Variants in SLC41A3 observed in about 807,000 individuals in gnomAD.
SLC41A3 encodes the protein solute carrier family 41 member 3.
SLC41A3 carries 44 observed loss-of-function variants against 45.4 expected under a neutral mutation model. The observed-to-expected ratio is 0.97, with a 90% CI of 0.76 to 1.25. The LOEUF (loss-of-function observed/expected upper bound fraction) is 1.25, where lower values mean the gene tolerates loss of function less well. SLC41A3 is among the 50% of genes most tolerant of loss of function. SLC41A3 has a pLI of 0.00. For synonymous variants in SLC41A3, 256 were observed against 252.4 expected, an observed-to-expected ratio of 1.01 and a Z score of -0.13; for missense variants, 550 against 600.6, an observed-to-expected ratio of 0.92 and a Z score of 0.88.
chr3:126,038,348 A>T (rs1186180114), intron 3 of SLC41A3, among the ~76,000 whole-genome samples: 1 of 152,220 alleles, frequency 6.6e-6, no homozygotes, highest in Non-Finnish European at 1.5e-5. Context: ...TGCCTGGAAA[A>T]GCTGCAGGCA....
rs60562239 is a variant in SLC41A3 at position 126,059,233 on chromosome 3, G to A, written c.274-8183C>T. Among the ~76,000 whole-genome samples the A allele has an allele frequency of 7.4e-3, 44 of 5,942 alleles. 1 individual carries two copies. Among genetic ancestry groups the A allele is most frequent in the Non-Finnish European group, 0.014 (33 of 2,372 alleles). 3.9% of individuals were successfully genotyped at this position (5,942 alleles called of 152,430 possible). ...GGTTATCAGTCAAAAAAGAAAGAAA[G>A]AGAAAGAAAGAAAGAAAGAAAGAAA... On this transcript the variant is annotated intron_variant, in intron 2 of 10. Transcript: ENST00000360370.
At position 126,006,619 on chromosome 3, in the gene SLC41A3, A is replaced by G; in HGVS notation, c.*397T>C. On this transcript the variant is annotated 3_prime_UTR_variant, in exon 11 of 11. Coordinates refer to ENST00000360370, the MANE Select transcript of SLC41A3 (RefSeq NM_017836.4). ...CAAGAGTTCTGAGGCTTGGGAACAG[A>G]AAAGAGCTCCTTCCTGCTCCACCCC... The G allele has an allele frequency of 6.4e-7, 1 of 1,558,190 alleles. No homozygotes were observed. The highest frequency in any genetic ancestry group is 8.6e-7 in the Non-Finnish European group (1 of 1,159,486).
In SLC41A3 at chr3:126,094,641, T is replaced by A. The variant is rs556163041; in HGVS notation, c.-79+6788A>T. ...AAAGACTGTTTCTTTACTATCCCTTTAGCTGAGCAAGACTGTGAACAGTTT... is the reference window on the plus strand; with the variant it reads ...AAAGACTGTTTCTTTACTATCCCTTAAGCTGAGCAAGACTGTGAACAGTTT... On this transcript the variant is annotated intron_variant, in intron 1 of 9. Coordinates refer to the SLC41A3 transcript ENST00000508835. 2.6e-5 allele frequency among the ~76,000 whole-genome samples: 4 copies of A among 152,346 alleles called. No individual in the cohort carries two copies. The East Asian group carries it at 7.7e-4, about 29-fold the overall frequency.
chr3:126,059,309 AGGAAG>A (rs1459105638), intron 2 of SLC41A3, among the ~76,000 whole-genome samples: 1 of 106,400 alleles, frequency 9.4e-6, no homozygotes, highest in Non-Finnish European at 2.1e-5. Flanking sequence ...AAAGAAAGAA[AGGAAG>A]GATGATCTGT....
At chr3:126,070,377 G>A (rs1944560918) in intron 1 of SLC41A3, 1 of 152,250 alleles carries the variant, frequency 6.6e-6, no homozygotes, top group African/African-American at 2.4e-5. Flanking sequence ...GCACGCAGGG[G>A]ATCTAGGTTG....
intron 2 of SLC41A3, chr3:126,056,745 G>C: frequency 7.1e-7 from 1 of 1,418,046 alleles, no homozygotes; most frequent in Non-Finnish European, 9.2e-7. Context: ...ACAGATGAGT[G>C]AGGAACAAAG....
chr3:126,074,409 A>G (rs768625512), intron 1 of SLC41A3, among the ~76,000 whole-genome samples: 11 of 151,988 alleles, frequency 7.2e-5, no homozygotes, highest in Non-Finnish European at 1.6e-4. Flanking sequence ...TGCCAATTCT[A>G]TTAAACACTG....
chr3:126,007,484 A>T (rs1378996580), intron 10 of SLC41A3, among the ~76,000 whole-genome samples: 1 of 152,150 alleles, frequency 6.6e-6, no homozygotes, highest in African/African-American at 2.4e-5. Context: ...AATCAGACCC[A>T]CTGCCACTCA....
upstream of SLC41A3, among the ~76,000 whole-genome samples, chr3:126,086,418 T>TG (rs1559897565): frequency 2.4e-4 from 12 of 49,292 alleles, no homozygotes; most frequent in African/African-American, 6.0e-4. Flanking sequence ...GTTTTTTTTT[T>TG]TTTTTTTTTT....
intron 3 of SLC41A3, among the ~76,000 whole-genome samples, chr3:126,048,897 T>C (rs1021006262): frequency 2.0e-5 from 3 of 151,404 alleles, no homozygotes; most frequent in Admixed American, 2.0e-4. Context: ...TTTATTGTTA[T>C]CAATTTATAC....
intron 3 of SLC41A3, among the ~76,000 whole-genome samples, chr3:126,047,990 A>G (rs1392522651): frequency 1.3e-5 from 2 of 152,196 alleles, no homozygotes; most frequent in African/African-American, 4.8e-5. Flanking sequence ...CTGATAAGAG[A>G]TTAATATTCA....
chr3:126,018,953 T>G (rs1383413294), intron 6 of SLC41A3, among the ~76,000 whole-genome samples: 1 of 152,254 alleles, frequency 6.6e-6, no homozygotes, highest in African/African-American at 2.4e-5. Context: ...AGCAGGGTCC[T>G]TCCTGTGGGA....
intron 2 of SLC41A3, among the ~76,000 whole-genome samples, chr3:126,061,790 CA>C (rs1322272426): frequency 1.3e-5 from 2 of 152,136 alleles, no homozygotes; most frequent in Non-Finnish European, 2.9e-5. Context: ...TGCTTGCTAA[CA>C]AGCCCACACA....
intron 3 of SLC41A3, among the ~76,000 whole-genome samples, chr3:126,040,637 G>C (rs11919781): frequency 1.3e-5 from 2 of 151,774 alleles, no homozygotes; most frequent in Non-Finnish European, 2.9e-5. Context: ...CAGATGCAGC[G>C]AGAGTGTTGG....
chr3:126,090,691 G>T (rs1439426135), intron 1 of SLC41A3, among the ~76,000 whole-genome samples: 1 of 152,116 alleles, frequency 6.6e-6, no homozygotes, highest in East Asian at 1.9e-4. Context: ...GGCCAGAGAT[G>T]AGTCCCTCGT....
chr3:126,024,158 G>A (rs1941147907), intron 5 of SLC41A3: 2 of 152,218 alleles, frequency 1.3e-5, no homozygotes. Context: ...TGCCTGGTGA[G>A]GTAACCGCAA....
In SLC41A3 at chr3:126,026,488, C is replaced by T; in HGVS notation, c.454-9G>A. 1 of 1,598,472 alleles carries T rather than the reference C, an allele frequency of 6.3e-7. No individual in the cohort carries two copies. The highest frequency in any genetic ancestry group is 8.5e-7 in the Non-Finnish European group (1 of 1,172,010). ...ACGACAGTGGCCTGCACCTGTTGGACAGAAATCAGAAGCATGAAGGGGGGC... is the reference window on the plus strand; with the variant it reads ...ACGACAGTGGCCTGCACCTGTTGGATAGAAATCAGAAGCATGAAGGGGGGC... On this transcript the variant is annotated splice_polypyrimidine_tract_variant and intron_variant, in intron 4 of 10. Coordinates refer to ENST00000360370, the MANE Select transcript of SLC41A3 (RefSeq NM_017836.4). The surrounding 1 kb of genome is among the most constrained non-coding windows in gnomAD (Gnocchi z 4.2).
chr3:126,067,846 C>A, intron 2 of SLC41A3, 101 bp downstream of exon 2: 1 of 1,444,262 alleles, frequency 6.9e-7, no homozygotes, highest in Non-Finnish European at 9.2e-7. Flanking sequence ...TTCAAGAGGA[C>A]TGCCCGACAA....
intron 2 of SLC41A3, among the ~76,000 whole-genome samples, chr3:126,061,531 G>A (rs66520539): frequency 0.17 from 26,269 of 152,252 alleles, 2,396 homozygotes; most frequent in Middle Eastern, 0.26. Context: ...ATGAGGGCAG[G>A]GGTGTCTGCC....
Sources: gnomAD v4.1 joint callset for allele counts (sites outside exome capture counted in the v4.1 genomes callset) on GRCh38, gnomAD v4.1.1 for gene constraint, Gnocchi (gnomAD v3.1) non-coding constraint, MANE v1.5 for transcripts, NCBI Gene and HGNC (gene_info 2026-07-23, HGNC 2026-07-21) for gene names.